The following CDK11A variants were observed in gnomAD, a reference collection of about 807,000 sequenced individuals.
CDK11A encodes cyclin-dependent kinase 11A.
In CDK11A, 55 loss-of-function variants were observed where a neutral mutation model predicts 83.6. The observed-to-expected ratio is 0.66, with a 90% CI of 0.53 to 0.82. The LOEUF is 0.82. Ranked by LOEUF, CDK11A falls within the 40% of genes least tolerant of loss-of-function variation. CDK11A has a pLI of 0.00. For missense variants in CDK11A, 564 were observed against 810.1 expected, an observed-to-expected ratio of 0.70 and a Z score of 3.69; for synonymous variants, 247 against 302.7, an observed-to-expected ratio of 0.82 and a Z score of 1.91.
intron 11 of CDK11A, among the ~76,000 whole-genome samples, chr1:1,706,484 G>A (rs1178922315): frequency 3.3e-5 from 5 of 151,322 alleles, no homozygotes; most frequent in Non-Finnish European, 7.4e-5. Context: ...GGGAGGTGGA[G>A]GCTCCAGTGA....
At chr1:1,717,341 A>C (rs74045989) in intron 4 of CDK11A, among the ~76,000 whole-genome samples, 17 of 150,154 alleles carry the variant, frequency 1.1e-4, no homozygotes, top group South Asian at 1.1e-3. Flanking sequence ...TATTTATAAT[A>C]ATGAGATTTC....
intron 4 of CDK11A, among the ~76,000 whole-genome samples, chr1:1,717,655 T>A (rs76123672): frequency 5.5e-5 from 1 of 18,318 alleles, no homozygotes; most frequent in African/African-American, 9.5e-5. Context: ...GACACACGCA[T>A]GCTTTCAGCT....
intron 4 of CDK11A, among the ~76,000 whole-genome samples, chr1:1,718,654 A>G (rs1333741542): frequency 3.5e-5 from 3 of 86,562 alleles, no homozygotes; most frequent in African/African-American, 3.8e-5. Context: ...TTTTTTTTTG[A>G]GACGGAGTCT....
intron 18 of CDK11A, 64 bp downstream of exon 18, chr1:1,703,412 C>G (rs1034405431): frequency 1.5e-6 from 2 of 1,327,326 alleles, no homozygotes; most frequent in Non-Finnish European, 2.0e-6. Flanking sequence ...AGCAGGTAGG[C>G]CTGGGACTGG....
In CDK11A at chr1:1,704,224, T is replaced by C. The variant is rs1322417142; in HGVS notation, c.1685A>G (p.Lys562Arg). ...TGGGCCACTCGGAGGGGGGCTCACC[T>C]TGAGGATGCCGGCGTGGCTCAGCAG... ...NLLLSHAGIL[K>R]VGDFGLAREY... is the part of the protein sequence containing the mutation. Residue 562 changes from lysine to arginine, a missense_variant and splice_region_variant, in exon 15 of 20, where the codon AAG becomes AGG. By Grantham distance (26) the Lys-to-Arg change is conservative. This residue lies in a region of CDK11A where 361 missense variants were observed against 402.7 expected (regional missense o/e 0.90). Transcript: ENST00000404249. 1 of 1,608,372 alleles carries C rather than the reference T, an allele frequency of 6.2e-7. No individual in the cohort carries two copies. The highest frequency in any genetic ancestry group is 8.5e-7 in the Non-Finnish European group (1 of 1,176,710).
In CDK11A at chr1:1,720,240, G is replaced by A. The variant is rs1198987439; in HGVS notation, c.228-785C>T. Among the ~76,000 whole-genome samples the A allele has an allele frequency of 6.7e-5, 10 of 149,852 alleles. 1 individual carries two copies. In the South Asian group the frequency reaches 1.1e-3, roughly 16 times the overall value. ...CTTCCAAGTAACTGGGACTACAGGC[G>A]CCCACCACCACGCCCGGCTAATTTT... On this transcript the variant is annotated intron_variant, in intron 3 of 19. Coordinates refer to ENST00000404249, the MANE Select transcript of CDK11A (RefSeq NM_024011.4).
Position 1,702,704 on chromosome 1 carries a change from G to A in CDK11A, c.*203C>T, listed in dbSNP as rs1435677867. On this transcript the variant is annotated 3_prime_UTR_variant, in exon 20 of 20. Coordinates refer to ENST00000404249, the MANE Select transcript of CDK11A (RefSeq NM_024011.4). ...CCACGTGGGCACCCGAAGATGCCCTGGCAAGTCACGGAGAAAACACAGCTC... is the reference window on the plus strand; with the variant it reads ...CCACGTGGGCACCCGAAGATGCCCTAGCAAGTCACGGAGAAAACACAGCTC... 5 of 627,380 alleles carry A rather than the reference G, an allele frequency of 8.0e-6. No individual in the cohort carries two copies. Among genetic ancestry groups the A allele is most frequent in the East Asian group, 5.5e-5 (2 of 36,662 alleles). The allele number at this position is 627,380 out of a possible 1,614,324, so 38.9% of individuals were successfully genotyped here. A position where few individuals can be genotyped will look rare whatever the true frequency, so the allele number is the denominator to read the frequency against.
Position 1,711,946 on chromosome 1 carries a change from C to T in CDK11A, c.625+318G>A, listed in dbSNP as rs866399026. Reference sequence around the variant, plus strand: ...GATCAAGAGACTATTCTGGCTAACACGGTGAAACCCTGTCTCTACTAAAAA... The same window carrying T: ...GATCAAGAGACTATTCTGGCTAACATGGTGAAACCCTGTCTCTACTAAAAA... On this transcript the variant is annotated intron_variant, in intron 6 of 19. Coordinates refer to ENST00000404249, the MANE Select transcript of CDK11A (RefSeq NM_024011.4). 5.0e-3 allele frequency among the ~76,000 whole-genome samples: 330 copies of T among 66,644 alleles called. 2 individuals carry two copies. The highest frequency in any genetic ancestry group is 0.013 in the Middle Eastern group (2 of 152). The allele number at this position is 66,644 out of a possible 152,430, so 43.7% of individuals were successfully genotyped here. A position where few individuals can be genotyped will look rare whatever the true frequency, so the allele number is the denominator to read the frequency against.
In CDK11A at chr1:1,703,891, T is replaced by A. The variant is rs1468331735; in HGVS notation, c.1844A>T (p.Glu615Val). The A allele has an allele frequency of 6.2e-7, 1 of 1,609,552 alleles. No individual in the cohort carries two copies. The highest frequency in any genetic ancestry group is 1.1e-5 in the South Asian group (1 of 90,766). ...DMWSVGCIFG[E>V]LLTQKPLFPG... ...GAACAGAGGCTTCTGAGTCAGCAGC[T>A]CCCCGAAGATGCAGCCCACTGACCA... The change falls in exon 17 of 20, where the codon GAG becomes GTG. Residue 615 changes from glutamate to valine, a missense_variant. This residue lies in a region of CDK11A where 361 missense variants were observed against 402.7 expected (regional missense o/e 0.90). Coordinates refer to ENST00000404249, the MANE Select transcript of CDK11A (RefSeq NM_024011.4).
rs1475264950 is a variant in CDK11A at position 1,716,793 on chromosome 1, C to T, written c.356-315G>A. On this transcript the variant is annotated intron_variant, in intron 4 of 19. Coordinates refer to ENST00000404249, the MANE Select transcript of CDK11A (RefSeq NM_024011.4). Reference sequence around the variant, plus strand: ...TCGTGCCACTGCACTCCAGCCTGGGCGAAAAAGTGAGACTCCATCTCAAAA... The same window carrying T: ...TCGTGCCACTGCACTCCAGCCTGGGTGAAAAAGTGAGACTCCATCTCAAAA... Among the ~76,000 whole-genome samples, 10 of 103,352 alleles carry T rather than the reference C, an allele frequency of 9.7e-5. No homozygotes were observed. In the South Asian group the frequency reaches 1.1e-3, roughly 11 times the overall value. 67.8% of individuals were successfully genotyped at this position (103,352 alleles called of 152,430 possible).
chr1:1,715,436 C>G (rs72634828), intron 5 of CDK11A, among the ~76,000 whole-genome samples: 1,573 of 138,010 alleles, frequency 0.011, 48 homozygotes, highest in African/African-American at 0.038. Context: ...ATCCCAAGCT[C>G]TACTCTCGTG....
At position 1,703,586 on chromosome 1, in the gene CDK11A, G is replaced by A; in HGVS notation, c.1950C>T (p.Tyr650=). ...GTPSEKIWPG[Y]SELPVVKKMT... Reference sequence around the variant, plus strand: ...TCTTTTTGACTACTGGGAGCTCACTGTAGCCGGGCCAGATTTTCTCACTGG... The same window carrying A: ...TCTTTTTGACTACTGGGAGCTCACTATAGCCGGGCCAGATTTTCTCACTGG... The change falls in exon 18 of 20, where the codon TAC becomes TAT. Residue 650 remains tyrosine, a synonymous_variant. Transcript: ENST00000404249. The A allele has an allele frequency of 1.3e-6, 2 of 1,593,882 alleles. No homozygotes were observed. The highest frequency in any genetic ancestry group is 2.3e-5 in the East Asian group (1 of 44,112).
intron 2 of CDK11A, chr1:1,721,930 T>A (rs1644921020): frequency 2.1e-6 from 1 of 480,778 alleles, no homozygotes; most frequent in Non-Finnish European, 3.6e-6. Flanking sequence ...GGCGGGTGGA[T>A]CACGAGGTCA....
At chr1:1,705,083 T>C (rs1570376357) in intron 12 of CDK11A, 58 bp from the exon 13 acceptor site, 2 of 1,563,188 alleles carry the variant, frequency 1.3e-6, no homozygotes, top group African/African-American at 3.5e-5. Context: ...GTACCAACAG[T>C]GGACTCGTTC....
chr1:1,720,334 T>C (rs1295151225), intron 3 of CDK11A, among the ~76,000 whole-genome samples: 4 of 150,340 alleles, frequency 2.7e-5, no homozygotes, highest in Non-Finnish European at 4.4e-5. Context: ...CCTGACCTTG[T>C]GATCTGCCCG....
rs935029361 is a variant in CDK11A, at chr1:1,717,175, T to C, written c.356-697A>G. ...ACAATTCTGCTATCACAGAAGAGAA[T>C]TGTAATATTCATCTTTTAAAAATTT... is the stretch of plus-strand genomic sequence containing the variant. On this transcript the variant is annotated intron_variant, in intron 4 of 19. Transcript: ENST00000404249. Among the ~76,000 whole-genome samples the C allele has an allele frequency of 6.0e-5, 9 of 151,146 alleles. No individual in the cohort carries two copies. In the East Asian group the frequency reaches 9.7e-4, roughly 16 times the overall value.
chr1:1,710,927 A>G (rs1490201487), intron 6 of CDK11A, among the ~76,000 whole-genome samples: 1 of 80,692 alleles, frequency 1.2e-5, no homozygotes. Flanking sequence ...CCTGAAGACA[A>G]TAAAATCACA....
Position 1,703,968 on chromosome 1 carries a change from A to G in CDK11A, c.1795-28T>C, listed in dbSNP as rs74045976. On this transcript the variant is annotated intron_variant, in intron 16 of 19. Transcript: ENST00000404249. ...AAGACGCCAGGAGAGGTGTTCAGGA[A>G]GGCCAGTGCCCGCGAAGCTGTGGGA... 33,649 of 1,608,428 alleles carry G rather than the reference A, an allele frequency of 0.021. 5,351 individuals are homozygous for G. The African/African-American group carries it at 0.34, about 16-fold the overall frequency.
At position 1,717,503 on chromosome 1, in the gene CDK11A, AT is replaced by A. The variant is rs996242643; in HGVS notation, c.356-1026del. ...CTCCTATACTTGTTGAATTCAGGTCATTTTAAATGTAAACAAACTGCTCCCA... is the reference window on the plus strand; with the variant it reads ...CTCCTATACTTGTTGAATTCAGGTCATTTAAATGTAAACAAACTGCTCCCA... On this transcript the variant is annotated intron_variant, in intron 4 of 19. Coordinates refer to ENST00000404249, the MANE Select transcript of CDK11A (RefSeq NM_024011.4). Among the ~76,000 whole-genome samples, 223 of 151,450 alleles carry A rather than the reference AT, an allele frequency of 1.5e-3. 6 individuals carry two copies. Among genetic ancestry groups the A allele is most frequent in the African/African-American group, 4.6e-3 (189 of 41,326 alleles).
Sources: allele counts gnomAD v4.1 joint callset (sites outside exome capture counted in the v4.1 genomes callset), GRCh38; gene constraint gnomAD v4.1.1; regional missense constraint gnomAD v4.1.1; transcripts MANE v1.5; gene names NCBI Gene and HGNC (gene_info 2026-07-23, HGNC 2026-07-21).